The following KAT7 variants were observed in gnomAD, a reference collection of about 807,000 sequenced individuals.
KAT7 encodes the protein lysine acetyltransferase 7, also known as histone acetyltransferase KAT7.
Under a neutral mutation model 82.1 loss-of-function variants are expected in KAT7, and 10 were observed. That is an observed-to-expected ratio of 0.12 (90% CI 0.08 to 0.21). KAT7 has a LOEUF of 0.21. Ranked by LOEUF, KAT7 falls within the 10% of genes least tolerant of loss-of-function variation. KAT7 has a pLI of 1.00. For missense variants in KAT7, 378 were observed against 760.9 expected (o/e 0.50, Z 5.92); for synonymous variants, 250 against 262.5 (o/e 0.95, Z 0.46).
In KAT7 at chr17:49,833,024, G is replaced by A. The variant is rs1276564818; in HGVS notation, c.*5522G>A. 6.6e-6 allele frequency: 1 copy of A among 152,152 alleles called. No individual in the cohort carries two copies. The highest frequency in any genetic ancestry group is 2.4e-5 in the African/African-American group (1 of 41,434). 9.4% of individuals were successfully genotyped at this position (152,152 alleles called of 1,614,324 possible). On this transcript the variant is annotated 3_prime_UTR_variant, in exon 15 of 15. Transcript: ENST00000259021. The stretch of plus-strand genomic sequence containing the variant: ...GTGGTATCTGCAACAAAATCCCAAT[G>A]AATGTCACCAAGAAGGAAACAAAGG...
chr17:49,795,090 G>A (rs1228858220), intron 2 of KAT7, among the ~76,000 whole-genome samples: 1 of 150,392 alleles, frequency 6.6e-6, no homozygotes, highest in Admixed American at 6.6e-5. Flanking sequence ...TGTGCATCCC[G>A]CCCTCTGAAA....
At chr17:49,805,041 A>G (rs891058519) in intron 4 of KAT7, among the ~76,000 whole-genome samples, 3 of 152,200 alleles carry the variant, frequency 2.0e-5, no homozygotes, top group Non-Finnish European at 4.4e-5. Flanking sequence ...ACCAAAAGAA[A>G]GTGTTCCTGT....
chr17:49,805,314 T>G (rs917691211), intron 4 of KAT7, 49 bp from the exon 5 acceptor site: 3 of 1,314,042 alleles, frequency 2.3e-6, no homozygotes, highest in African/African-American at 2.9e-5. Flanking sequence ...ACATACTACT[T>G]TCTAAGCTTG....
intron 2 of KAT7, 67 bp downstream of exon 2, chr17:49,792,100 C>T: frequency 6.6e-7 from 1 of 1,508,102 alleles, no homozygotes. Flanking sequence ...ACATTATTTT[C>T]CTAGTTAATG....
intron 12 of KAT7, chr17:49,824,633 T>C (rs1311254529): frequency 6.6e-6 from 1 of 152,226 alleles, no homozygotes. Context: ...AGTGCTGGAA[T>C]TACAGGCGTG....
At chr17:49,821,552 T>A (rs1413798614) in intron 10 of KAT7, 98 bp from the exon 11 acceptor site, 9 of 1,521,534 alleles carry the variant, frequency 5.9e-6, no homozygotes, top group Admixed American at 1.7e-5. Flanking sequence ...AAATACACAA[T>A]GTGTTTCATT....
intron 4 of KAT7, among the ~76,000 whole-genome samples, chr17:49,803,940 C>T (rs1244303853): frequency 1.4e-5 from 2 of 145,822 alleles, no homozygotes; most frequent in Non-Finnish European, 3.0e-5. Flanking sequence ...ACTTGCTATT[C>T]AGGTTAGCTA....
intron 2 of KAT7, 44 bp from the exon 3 acceptor site, chr17:49,796,706 G>A: frequency 1.3e-6 from 2 of 1,482,196 alleles, no homozygotes; most frequent in Non-Finnish European, 1.8e-6. Flanking sequence ...AAGTAAAACA[G>A]ATTTCCATCT....
chr17:49,788,958 C>A (rs940861509), intron 1 of KAT7, 109 bp downstream of exon 1: 1 of 1,064,672 alleles, frequency 9.4e-7, no homozygotes, highest in East Asian at 3.1e-5. Context: ...TCCGCTCCCC[C>A]GAACCTTGTT....
At chr17:49,803,015 C>T (rs2074043750) in intron 4 of KAT7, among the ~76,000 whole-genome samples, 1 of 152,112 alleles carries the variant, frequency 6.6e-6, no homozygotes, top group Admixed American at 6.5e-5. Context: ...CAGGTGTGAG[C>T]CACTGAGCCC....
chr17:49,832,703 C>G lies in KAT7; in HGVS notation c.*5201C>G, dbSNP rs1049931588. ...GGCAGCAGGGAGAAGGCCTGGCTCA[C>G]TGAGGCTCTCAGCATTAGTTTCCTC... On this transcript the variant is annotated 3_prime_UTR_variant, in exon 15 of 15. Transcript: ENST00000259021. 8.5e-5 allele frequency: 13 copies of G among 152,252 alleles called. No homozygotes were observed. The highest frequency in any genetic ancestry group is 3.1e-4 in the African/African-American group (13 of 41,454). The allele number at this position is 152,252 out of a possible 1,614,324, so 9.4% of individuals were successfully genotyped here.
At chr17:49,796,149 T>G (rs1380164494) in intron 2 of KAT7, among the ~76,000 whole-genome samples, 1 of 152,230 alleles carries the variant, frequency 6.6e-6, no homozygotes, top group Non-Finnish European at 1.5e-5. Flanking sequence ...AAATGCTGCA[T>G]TCCTGCTTTA....
intron 1 of KAT7, chr17:49,789,990 T>C (rs568482613): frequency 6.6e-6 from 1 of 152,280 alleles, no homozygotes; most frequent in African/African-American, 2.4e-5. Context: ...ATGGTGACTT[T>C]TAAGATTCCC....
At chr17:49,796,435 A>G (rs1025970896) in intron 2 of KAT7, among the ~76,000 whole-genome samples, 1 of 152,206 alleles carries the variant, frequency 6.6e-6, no homozygotes, top group Non-Finnish European at 1.5e-5. Flanking sequence ...TTCCTTTTCA[A>G]TAGGTCAGGA....
At position 49,821,751 on chromosome 17, in the gene KAT7, G is replaced by A. The variant is rs146551531; in HGVS notation, c.1347G>A (p.Ala449=). ...EPFLFYVMTE[A]DNTGCHLIGY... Reference sequence around the variant, plus strand: ...TCCTGTTCTATGTTATGACAGAGGCGGACAACACTGGCTGTCACCTGATTG... The same window carrying A: ...TCCTGTTCTATGTTATGACAGAGGCAGACAACACTGGCTGTCACCTGATTG... The change falls in exon 11 of 15, where the codon GCG becomes GCA. Residue 449 remains alanine, a synonymous_variant. Transcript: ENST00000259021. The A allele has an allele frequency of 1.9e-4, 310 of 1,613,748 alleles. No homozygotes were observed. The African/African-American group carries it at 3.6e-3, about 19-fold the overall frequency.
chr17:49,821,956 G>T, intron 11 of KAT7, among the ~76,000 whole-genome samples, 166 bp downstream of exon 11: 1 of 150,510 alleles, frequency 6.6e-6, no homozygotes, highest in African/African-American at 2.4e-5. Flanking sequence ...ATCAAAGATT[G>T]TTTAATGAAA....
Position 49,794,047 on chromosome 17 carries a change from CAAT to C in KAT7, c.163+2015_163+2017del, listed in dbSNP as rs1421789221. Among the ~76,000 whole-genome samples the C allele has an allele frequency of 8.5e-5, 13 of 152,240 alleles. No individual in the cohort carries two copies. In the East Asian group the frequency reaches 2.5e-3, roughly 29 times the overall value. On this transcript the variant is annotated intron_variant, in intron 2 of 14. Coordinates refer to ENST00000259021, the MANE Select transcript of KAT7 (RefSeq NM_007067.5). ...TTTCTTAAGCTTTAAATTTTTACCA[CAAT>C]GAGACTATGGATAAATAGCTACTAT...
chr17:49,823,318 T>C (rs760744830), intron 12 of KAT7, 23 bp downstream of exon 12: 2 of 1,251,344 alleles, frequency 1.6e-6, no homozygotes, highest in Non-Finnish European at 2.4e-6. Context: ...GCTAAGTCAT[T>C]AGTTCCACAA....
intron 1 of KAT7, chr17:49,789,220 G>C (rs958742396): frequency 5.2e-6 from 1 of 191,098 alleles, no homozygotes; most frequent in Non-Finnish European, 1.1e-5. Flanking sequence ...TGGAGAGAAC[G>C]ATCCCTCCTC....
Sources: allele counts gnomAD v4.1 joint callset (sites outside exome capture counted in the v4.1 genomes callset), GRCh38; gene constraint gnomAD v4.1.1; transcripts MANE v1.5; gene names NCBI Gene and HGNC (gene_info 2026-07-23, HGNC 2026-07-21).